ZNF782: variants seen among roughly 807,000 people sequenced by gnomAD.
ZNF782 encodes the protein zinc finger protein 782.
A neutral mutation model predicts 13.0 loss-of-function variants in ZNF782; 12 were observed. The observed-to-expected ratio is 0.92, with a 90% confidence interval of 0.59 to 1.50. The LOEUF (loss-of-function observed/expected upper bound fraction) is 1.50. Ranked by LOEUF, ZNF782 falls within the 40% of genes most tolerant of loss-of-function variation. ZNF782 has a pLI of 0.00. For missense variants in ZNF782, 770 were observed against 822.9 expected (o/e 0.94, Z 0.79); for synonymous variants, 284 against 283.0 (o/e 1.00, Z -0.04).
rs142441965 is a variant in ZNF782, at chr9:96,841,739, A to G, written c.142+3151T>C. ...AAGAAGTTCCACCATTTGATGAAGAATATCTACAAAAGATCATTTGGTGAA... is the reference window on the plus strand; with the variant it reads ...AAGAAGTTCCACCATTTGATGAAGAGTATCTACAAAAGATCATTTGGTGAA... On this transcript the variant is annotated intron_variant, in intron 4 of 5. Coordinates refer to ENST00000481138, the MANE Select transcript of ZNF782 (RefSeq NM_001001662.3). Among the ~76,000 whole-genome samples the G allele has an allele frequency of 3.3e-3, 497 of 152,086 alleles. 1 individual carries two copies. The highest frequency in any genetic ancestry group is 6.8e-3 in the Middle Eastern group (2 of 294).
At chr9:96,907,948 T>G in the ZNF782 span, among the ~76,000 whole-genome samples, 16,637 of 147,796 alleles carry the variant, frequency 0.11, 289 homozygotes, top group East Asian at 0.45. Context: ...GCCTTGATAG[T>G]GTCTTAAAAT....
chr9:96,820,295 A>T (rs1444315049), intron 5 of ZNF782, among the ~76,000 whole-genome samples: 1 of 152,202 alleles, frequency 6.6e-6, no homozygotes, highest in East Asian at 1.9e-4. Flanking sequence ...GTTCAGTTGG[A>T]GCTCCATTTC....
intron 1 of ZNF782, among the ~76,000 whole-genome samples, chr9:96,865,487 C>T (rs1338873899): frequency 6.6e-6 from 1 of 152,184 alleles, no homozygotes; most frequent in African/African-American, 2.4e-5. Context: ...TGAGGTCTCC[C>T]CAGCCATGTG....
At chr9:96,922,413 A>G in the ZNF782 span, among the ~76,000 whole-genome samples, 2 of 152,192 alleles carry the variant, frequency 1.3e-5, no homozygotes, top group Admixed American at 6.5e-5. Context: ...TCTACTTTCT[A>G]TGTCGTGGTC....
rs1851517193 is a variant in ZNF782, at chr9:96,852,285, TAAAGAC to T, written c.-44-286_-44-281del. On this transcript the variant is annotated intron_variant, in intron 2 of 5. Transcript: ENST00000481138. ...TGTGCTTCTAACACACACACAAAAA[TAAAGAC>T]AATACAGGATTAGTTGAATTAAAGT... Among the ~76,000 whole-genome samples, 6 of 152,300 alleles carry T rather than the reference TAAAGAC, an allele frequency of 3.9e-5. 1 individual carries two copies. In the Middle Eastern group the frequency reaches 0.02, roughly 518 times the overall value.
rs1316538298 is a variant in ZNF782, at chr9:96,825,992, A to G, written c.244+1088T>C. Among the ~76,000 whole-genome samples, 382 of 151,942 alleles carry G rather than the reference A, an allele frequency of 2.5e-3. 2 individuals carry two copies. Among genetic ancestry groups the G allele is most frequent in the African/African-American group, 7.8e-3 (323 of 41,402 alleles). ...CAACCATTGTGGAAGTCAGTGTGGC[A>G]ATTCCTCAGGGATCTAGAACTAGAA... On this transcript the variant is annotated intron_variant, in intron 5 of 5. Transcript: ENST00000481138.
chr9:96,882,780 T>G, the ZNF782 span, among the ~76,000 whole-genome samples: 4,417 of 152,286 alleles, frequency 0.029, 228 homozygotes, highest in African/African-American at 0.1. Context: ...TATAGAAATT[T>G]CAAATTTAAA....
chr9:96,839,796 T>C (rs1336394965), intron 4 of ZNF782, among the ~76,000 whole-genome samples: 1 of 152,216 alleles, frequency 6.6e-6, no homozygotes, highest in East Asian at 1.9e-4. Flanking sequence ...ATTCTACTGC[T>C]TCTTTTGACT....
At chr9:96,828,876 T>C (rs1850711467) in intron 4 of ZNF782, among the ~76,000 whole-genome samples, 1 of 151,964 alleles carries the variant, frequency 6.6e-6, no homozygotes, top group Admixed American at 6.6e-5. Flanking sequence ...CAATGTACAT[T>C]ATAATCAAAT....
At chr9:96,886,887 AC>A in the ZNF782 span, among the ~76,000 whole-genome samples, 2 of 148,824 alleles carry the variant, frequency 1.3e-5, no homozygotes, top group Non-Finnish European at 3.0e-5. Flanking sequence ...GCGTCACTGC[AC>A]TCCAGCCTGG....
the ZNF782 span, among the ~76,000 whole-genome samples, chr9:96,915,741 T>C: frequency 6.6e-6 from 1 of 151,662 alleles, no homozygotes; most frequent in Non-Finnish European, 1.5e-5. Context: ...TTCCCATTAG[T>C]GATGATTCAT....
Position 96,852,332 on chromosome 9 carries a change from A to T in ZNF782, c.-44-327T>A, listed in dbSNP as rs571965381. On this transcript the variant is annotated intron_variant, in intron 2 of 5. Transcript: ENST00000481138. ...GAATTAAAGTACACCACAGGGTAAG[A>T]CACTATTCTTTCATTAAAATTAACC... Among the ~76,000 whole-genome samples, 3 of 152,352 alleles carry T rather than the reference A, an allele frequency of 2.0e-5. No individual in the cohort carries two copies. In the South Asian group the frequency reaches 6.2e-4, roughly 32 times the overall value.
chr9:96,872,171 C>T (rs1440182023), intron 1 of ZNF782, among the ~76,000 whole-genome samples: 1 of 152,148 alleles, frequency 6.6e-6, no homozygotes, highest in Non-Finnish European at 1.5e-5. Context: ...AAGGTAAATG[C>T]TACAATTTAT....
intron 4 of ZNF782, among the ~76,000 whole-genome samples, chr9:96,842,147 G>T (rs1209702267): frequency 2.6e-5 from 4 of 151,842 alleles, no homozygotes; most frequent in African/African-American, 9.7e-5. Flanking sequence ...ACATGTACAG[G>T]ACTTTTATAC....
At chr9:96,878,430 G>T (rs1330707944), upstream of ZNF782, among the ~76,000 whole-genome samples, 1 of 152,216 alleles carries the variant, frequency 6.6e-6, no homozygotes, top group Non-Finnish European at 1.5e-5. Flanking sequence ...TTATAGCAGT[G>T]CATAAAGCTA....
chr9:96,924,895 G>A, the ZNF782 span, among the ~76,000 whole-genome samples: 1 of 152,232 alleles, frequency 6.6e-6, no homozygotes, highest in Non-Finnish European at 1.5e-5. Flanking sequence ...CGTCCCGCAG[G>A]GCCCCGCTAA....
chr9:96,892,234 ACAG>A, the ZNF782 span: 1 of 152,156 alleles, frequency 6.6e-6, no homozygotes, highest in African/African-American at 2.4e-5. Context: ...GGGAATGTTC[ACAG>A]CAGCATTATT....
At chr9:96,889,322 T>C in the ZNF782 span, 1 of 152,160 alleles carries the variant, frequency 6.6e-6, no homozygotes, top group Non-Finnish European at 1.5e-5. Flanking sequence ...TATCCAGCCA[T>C]TTAATGCCAT....
the ZNF782 span, among the ~76,000 whole-genome samples, chr9:96,911,528 T>TTTTTG: frequency 7.1e-6 from 1 of 140,300 alleles, no homozygotes; most frequent in East Asian, 2.2e-4. Context: ...TTTGTTTTGT[T>TTTTTG]TTTTTTTTTT....
Sources: allele counts gnomAD v4.1 joint callset (sites outside exome capture counted in the v4.1 genomes callset), GRCh38; gene constraint gnomAD v4.1.1; transcripts MANE v1.5; gene names NCBI Gene and HGNC (gene_info 2026-07-23, HGNC 2026-07-21).